Variants in MARCHF4 observed in about 807,000 individuals in gnomAD.
MARCHF4 encodes E3 ubiquitin-protein ligase MARCHF4.
In MARCHF4, 14 loss-of-function variants were observed where a neutral mutation model predicts 43.9. The observed-to-expected ratio is 0.32, with a 90% confidence interval of 0.21 to 0.50. The LOEUF is 0.50. MARCHF4 is among the 20% of genes least tolerant of loss of function. MARCHF4 has a pLI of 0.98. For synonymous variants in MARCHF4, 226 were observed against 213.3 expected, an observed-to-expected ratio of 1.06 and a Z score of -0.52; for missense variants, 468 against 536.7, an observed-to-expected ratio of 0.87 and a Z score of 1.27.
intron 1 of MARCHF4, among the ~76,000 whole-genome samples, chr2:216,349,869 A>C (rs1018439450): frequency 6.6e-6 from 1 of 152,122 alleles, no homozygotes; most frequent in Non-Finnish European, 1.5e-5. Flanking sequence ...AGCAGAGTGA[A>C]CTGCTCAAAA....
In MARCHF4 at chr2:216,270,935, C is replaced by T. The variant is rs552590656; in HGVS notation, c.865+6737G>A. ...TTAGCCTATTACAAGCATTTTCCAG[C>T]GAAGTCCTTCCCTTCCCTATTCTGT... On this transcript the variant is annotated intron_variant, in intron 3 of 3. Coordinates refer to ENST00000273067, the MANE Select transcript of MARCHF4 (RefSeq NM_020814.3). Among the ~76,000 whole-genome samples the T allele has an allele frequency of 6.6e-5, 10 of 152,310 alleles. No homozygotes were observed. The East Asian group carries it at 9.6e-4, about 15-fold the overall frequency.
intron 2 of MARCHF4, among the ~76,000 whole-genome samples, chr2:216,281,242 T>G (rs1278528373): frequency 2.6e-5 from 4 of 152,006 alleles, no homozygotes; most frequent in African/African-American, 4.8e-5. Flanking sequence ...CTAATTTCTT[T>G]TGTAGAGACA....
intron 1 of MARCHF4, among the ~76,000 whole-genome samples, chr2:216,346,634 G>C (rs1267735821): frequency 6.6e-6 from 1 of 152,134 alleles, no homozygotes. Context: ...AACCAGGTGG[G>C]GGCAAAGGGC....
intron 1 of MARCHF4, among the ~76,000 whole-genome samples, chr2:216,302,186 T>C (rs1691501308): frequency 6.6e-6 from 1 of 152,220 alleles, no homozygotes; most frequent in Non-Finnish European, 1.5e-5. Flanking sequence ...TAAGCAGTTT[T>C]GTTTTTATTG....
At chr2:216,283,852 T>TG in intron 1 of MARCHF4, 123 bp from the exon 2 acceptor site, 1 of 1,053,296 alleles carries the variant, frequency 9.5e-7, no homozygotes, top group Non-Finnish European at 1.3e-6. Flanking sequence ...AGGCTTTGTT[T>TG]GGGGGCACCA....
intron 1 of MARCHF4, among the ~76,000 whole-genome samples, chr2:216,355,471 A>T (rs1692488237): frequency 6.6e-6 from 1 of 152,300 alleles, no homozygotes; most frequent in Middle Eastern, 3.4e-3. Flanking sequence ...TGTCAAAGAC[A>T]CACTTTTTTA....
At chr2:216,281,125 C>T (rs1254921569) in intron 2 of MARCHF4, among the ~76,000 whole-genome samples, 5 of 146,306 alleles carry the variant, frequency 3.4e-5, no homozygotes, top group African/African-American at 1.0e-4. Context: ...GAGTGGTGCA[C>T]TGGCATAATC....
chr2:216,295,788 C>T (rs968945847), intron 1 of MARCHF4, among the ~76,000 whole-genome samples: 3 of 152,206 alleles, frequency 2.0e-5, no homozygotes, highest in Non-Finnish European at 4.4e-5. Flanking sequence ...AATAACTATG[C>T]TGAAAGCCAG....
At chr2:216,295,076 C>A (rs974712726) in intron 1 of MARCHF4, among the ~76,000 whole-genome samples, 1 of 152,026 alleles carries the variant, frequency 6.6e-6, no homozygotes, top group African/African-American at 2.4e-5. Flanking sequence ...TTGTCCTGAG[C>A]ACCTGATATG....
At chr2:216,267,462 G>A (rs1690864193) in intron 3 of MARCHF4, among the ~76,000 whole-genome samples, 1 of 152,184 alleles carries the variant, frequency 6.6e-6, no homozygotes, top group Admixed American at 6.5e-5. Flanking sequence ...AGCCCAAGGG[G>A]CCTGTGGAGC....
intron 3 of MARCHF4, among the ~76,000 whole-genome samples, chr2:216,277,413 A>G (rs1691043099): frequency 6.6e-6 from 1 of 152,190 alleles, no homozygotes; most frequent in South Asian, 2.1e-4. Flanking sequence ...AAATCCTCCT[A>G]GAGGCAGGCC....
intron 1 of MARCHF4, among the ~76,000 whole-genome samples, chr2:216,342,387 C>T (rs1692251243): frequency 6.6e-6 from 1 of 152,156 alleles, no homozygotes; most frequent in African/African-American, 2.4e-5. Context: ...GCTGGTTGAA[C>T]CCAAATCTGC....
intron 1 of MARCHF4, among the ~76,000 whole-genome samples, chr2:216,331,761 T>C (rs1361276553): frequency 6.6e-6 from 1 of 152,120 alleles, no homozygotes; most frequent in African/African-American, 2.4e-5. Context: ...GAGAAAAAGG[T>C]TTAATATTTT....
intron 1 of MARCHF4, among the ~76,000 whole-genome samples, chr2:216,326,650 T>C (rs920711381): frequency 1.5e-4 from 23 of 152,322 alleles, no homozygotes; most frequent in African/African-American, 4.8e-4. Context: ...GATGAGTTCA[T>C]GTCCTTTGTA....
chr2:216,259,708 G>A, intron 3 of MARCHF4, 29 bp from the exon 4 acceptor site: 1 of 1,602,050 alleles, frequency 6.2e-7, no homozygotes, highest in Admixed American at 1.7e-5. Context: ...GAGAAACAGA[G>A]GCCAAATGAG....
intron 1 of MARCHF4, among the ~76,000 whole-genome samples, chr2:216,327,464 T>C (rs1458847083): frequency 6.6e-6 from 1 of 152,136 alleles, no homozygotes; most frequent in Non-Finnish European, 1.5e-5. Flanking sequence ...AGAAGGACCT[T>C]GGTACAGTCA....
intron 1 of MARCHF4, among the ~76,000 whole-genome samples, chr2:216,356,568 G>A: frequency 6.6e-6 from 1 of 152,164 alleles, no homozygotes; most frequent in Non-Finnish European, 1.5e-5. Flanking sequence ...GTAAATGCTA[G>A]AGCCTGGATT....
chr2:216,315,751 C>T (rs374717505), intron 1 of MARCHF4, among the ~76,000 whole-genome samples: 1 of 152,186 alleles, frequency 6.6e-6, no homozygotes, highest in East Asian at 1.9e-4. Flanking sequence ...TTACATGTAA[C>T]TTTTACTTTT....
intron 3 of MARCHF4, among the ~76,000 whole-genome samples, chr2:216,273,590 T>TTCTCTTCCTC (rs1438869438): frequency 2.0e-5 from 3 of 152,292 alleles, no homozygotes; most frequent in South Asian, 4.1e-4. Flanking sequence ...CCAGGGAGCC[T>TTCTCTTCCTC]TCTCTTCCTC....
Sources: allele counts gnomAD v4.1 joint callset (sites outside exome capture counted in the v4.1 genomes callset), GRCh38; gene constraint gnomAD v4.1.1; transcripts MANE v1.5; gene names NCBI Gene and HGNC (gene_info 2026-07-23, HGNC 2026-07-21).